The following DOCK1 variants were observed in gnomAD, a reference collection of about 807,000 sequenced individuals.
DOCK1 encodes dedicator of cytokinesis protein 1.
Under a neutral mutation model 262.7 loss-of-function variants are expected in DOCK1, and 138 were observed. That is an observed-to-expected ratio of 0.53 (90% CI 0.46 to 0.61). DOCK1 has a LOEUF of 0.61. Ranked by LOEUF, DOCK1 falls within the 20% of genes least tolerant of loss-of-function variation. DOCK1 has a pLI of 0.00. For synonymous variants in DOCK1, 866 were observed against 867.4 expected, an observed-to-expected ratio of 1.00 and a Z score of 0.03; for missense variants, 1,908 against 2,370.7, an observed-to-expected ratio of 0.80 and a Z score of 4.05.
At chr10:127,238,816 CAATG>C (rs1004340976) in intron 27 of DOCK1, among the ~76,000 whole-genome samples, 18 of 152,282 alleles carry the variant, frequency 1.2e-4, no homozygotes, top group East Asian at 3.9e-4. Flanking sequence ...CTTGGGAACT[CAATG>C]ATGTCAACAC....
chr10:127,134,264 C>T (rs1477248479), intron 27 of DOCK1, among the ~76,000 whole-genome samples: 2 of 152,150 alleles, frequency 1.3e-5, no homozygotes, highest in South Asian at 4.1e-4. Flanking sequence ...GGCCATCCTC[C>T]TTGTGACTGT....
intron 47 of DOCK1, among the ~76,000 whole-genome samples, chr10:127,428,523 C>T (rs1301733920): frequency 3.5e-5 from 3 of 86,284 alleles, no homozygotes; most frequent in Non-Finnish European, 7.1e-5. Flanking sequence ...GGTGCCATGT[C>T]GATTGTGCCA....
chr10:127,331,134 T>A (rs1364741729), intron 29 of DOCK1, among the ~76,000 whole-genome samples: 1 of 152,164 alleles, frequency 6.6e-6, no homozygotes. Flanking sequence ...GTCTGCTTCT[T>A]GTTTTCTAGA....
intron 29 of DOCK1, chr10:127,272,104 A>G (rs1026618076): frequency 6.6e-6 from 1 of 152,230 alleles, no homozygotes; most frequent in Non-Finnish European, 1.5e-5. Flanking sequence ...AACCTTTCCC[A>G]TAAGACTTCA....
chr10:127,132,044 C>T (rs900109429), intron 27 of DOCK1, among the ~76,000 whole-genome samples: 2 of 152,190 alleles, frequency 1.3e-5, no homozygotes, highest in African/African-American at 2.4e-5. Flanking sequence ...CTCTTTCCAT[C>T]GGAATAAGGC....
intron 38 of DOCK1, among the ~76,000 whole-genome samples, chr10:127,395,261 A>T (rs1333969626): frequency 6.6e-6 from 1 of 152,096 alleles, no homozygotes; most frequent in African/African-American, 2.4e-5. Flanking sequence ...AGATCAAGGC[A>T]CTCACAGATT....
chr10:127,200,253 C>T (rs1203440297), intron 27 of DOCK1, among the ~76,000 whole-genome samples: 1 of 152,180 alleles, frequency 6.6e-6, no homozygotes, highest in Non-Finnish European at 1.5e-5. Context: ...AGAACAGCTA[C>T]TCCATAGACA....
chr10:127,186,731 A>G (rs954242382), intron 27 of DOCK1, among the ~76,000 whole-genome samples: 1 of 152,088 alleles, frequency 6.6e-6, no homozygotes, highest in Non-Finnish European at 1.5e-5. Context: ...GTACTTAGGA[A>G]TCTCATGCCA....
At chr10:127,354,578 G>C (rs1370378512) in intron 31 of DOCK1, 91 bp from the exon 32 acceptor site, 3 of 1,480,638 alleles carry the variant, frequency 2.0e-6, no homozygotes, top group Admixed American at 1.7e-5. Context: ...CTCAGTGCTA[G>C]AAGGCTTTAA....
intron 23 of DOCK1, among the ~76,000 whole-genome samples, chr10:127,076,953 C>T (rs886227635): frequency 1.3e-5 from 2 of 152,174 alleles, no homozygotes; most frequent in African/African-American, 4.8e-5. Context: ...CCTTTGAGAA[C>T]AGAGGCAGGG....
At chr10:126,976,927 C>T (rs557309861) in intron 2 of DOCK1, among the ~76,000 whole-genome samples, 49 of 152,062 alleles carry the variant, frequency 3.2e-4, no homozygotes, top group Non-Finnish European at 6.2e-4. Flanking sequence ...TAGAGATGGG[C>T]TTTCACCATG....
intron 27 of DOCK1, among the ~76,000 whole-genome samples, chr10:127,163,103 C>T (rs886124890): frequency 6.6e-6 from 1 of 152,192 alleles, no homozygotes; most frequent in African/African-American, 2.4e-5. Flanking sequence ...GGCTCTCTTG[C>T]AGACCATGCC....
chr10:127,226,683 G>A (rs2058654150), intron 27 of DOCK1, among the ~76,000 whole-genome samples: 1 of 152,156 alleles, frequency 6.6e-6, no homozygotes, highest in Non-Finnish European at 1.5e-5. Context: ...GGCAGAGGCT[G>A]CAGTGAGCCA....
intron 19 of DOCK1, among the ~76,000 whole-genome samples, chr10:127,038,608 G>A (rs1301477103): frequency 1.3e-5 from 2 of 152,142 alleles, no homozygotes; most frequent in East Asian, 1.9e-4. Flanking sequence ...GAAAGATCAC[G>A]ACACTGAGAG....
At chr10:126,923,715 T>C (rs369853480) in intron 1 of DOCK1, among the ~76,000 whole-genome samples, 6 of 152,242 alleles carry the variant, frequency 3.9e-5, no homozygotes, top group African/African-American at 1.4e-4. Flanking sequence ...TCTCTCCATG[T>C]GCGATGGTCC....
intron 1 of DOCK1, among the ~76,000 whole-genome samples, chr10:126,953,182 C>T (rs1453039932): frequency 3.4e-5 from 5 of 147,752 alleles, no homozygotes; most frequent in South Asian, 4.3e-4. Flanking sequence ...TTATTGGCAG[C>T]GATGGCAGTG....
chr10:126,947,710 GAT>G (rs2035624210), intron 1 of DOCK1, among the ~76,000 whole-genome samples: 30 of 145,464 alleles, frequency 2.1e-4, no homozygotes, highest in African/African-American at 6.7e-4. Context: ...TGTTGGTGGT[GAT>G]GGTGGTGGTT....
In DOCK1 at chr10:126,959,678, G is replaced by A. The variant is rs946893533; in HGVS notation, c.47-11024G>A. Among the ~76,000 whole-genome samples the A allele has an allele frequency of 2.5e-3, 381 of 152,340 alleles. 2 individuals carry two copies. Among genetic ancestry groups the A allele is most frequent in the Non-Finnish European group, 3.4e-3 (234 of 68,036 alleles). ...AGGGTGTGTATAGCTGCCCTGGGGA[G>A]GATCGTTAGCACCATTTGTTCAAGT... On this transcript the variant is annotated intron_variant, in intron 1 of 51. Coordinates refer to ENST00000623213, the MANE Select transcript of DOCK1 (RefSeq NM_001290223.2).
At chr10:127,097,916 A>G (rs189084719) in intron 23 of DOCK1, among the ~76,000 whole-genome samples, 521 of 152,340 alleles carry the variant, frequency 3.4e-3, no homozygotes, top group African/African-American at 0.012. Flanking sequence ...TTCATGGTCC[A>G]TGGTTCATAC....
Sources: gnomAD v4.1 joint callset for allele counts (sites outside exome capture counted in the v4.1 genomes callset) on GRCh38, gnomAD v4.1.1 for gene constraint, MANE v1.5 for transcripts, NCBI Gene and HGNC (gene_info 2026-07-23, HGNC 2026-07-21) for gene names.